The following NXT1 variants were observed in gnomAD, a reference collection of about 807,000 sequenced individuals.
NXT1 encodes NTF2-related export protein 1.
A neutral mutation model predicts 9.9 loss-of-function variants in NXT1; 3 were observed. The observed-to-expected ratio is 0.30, with a 90% confidence interval of 0.14 to 0.79. The LOEUF (loss-of-function observed/expected upper bound fraction) is 0.79. Ranked by LOEUF, NXT1 falls within the 30% of genes least tolerant of loss-of-function variation. NXT1 has a pLI of 0.63. For synonymous variants in NXT1, 53 were observed against 66.5 expected (o/e 0.80, Z 0.99); for missense variants, 91 against 178.2 (o/e 0.51, Z 2.79).
At position 23,350,791 on chromosome 20, in the gene NXT1, G is replaced by A. The variant is rs1316626758; in HGVS notation, c.-332G>A. 3 of 152,266 alleles carry A rather than the reference G, an allele frequency of 2.0e-5. No homozygotes were observed. Among genetic ancestry groups the A allele is most frequent in the African/African-American group, 7.2e-5 (3 of 41,468 alleles). The allele number at this position is 152,266 out of a possible 1,614,324, so 9.4% of individuals were successfully genotyped here. A position where few individuals can be genotyped will look rare whatever the true frequency, so the allele number is the denominator to read the frequency against. ...GGGAGAGGGCGGCGCCGGGGCGCTC[G>A]CGTCTGCGTGGAGACCGGCTGGCCG... On this transcript the variant is annotated 5_prime_UTR_variant, in exon 1 of 2. Transcript: ENST00000254998.
At chr20:23,352,147 C>T (rs1434758777) in intron 1 of NXT1, among the ~76,000 whole-genome samples, 2 of 152,106 alleles carry the variant, frequency 1.3e-5, no homozygotes, top group South Asian at 2.1e-4. Context: ...TTATAAGTTA[C>T]CTACAGATGA....
intron 1 of NXT1, among the ~76,000 whole-genome samples, chr20:23,351,704 A>T (rs1204847893): frequency 6.6e-6 from 1 of 152,032 alleles, no homozygotes; most frequent in Non-Finnish European, 1.5e-5. Flanking sequence ...GAAAATTCCC[A>T]CTCTAGCAGT....
chr20:23,353,234 A>G (rs1422652936), intron 1 of NXT1, among the ~76,000 whole-genome samples: 1 of 152,208 alleles, frequency 6.6e-6, no homozygotes, highest in Non-Finnish European at 1.5e-5. Flanking sequence ...TCGTGGTCCA[A>G]TCAGGCCTCC....
At chr20:23,352,515 A>AT (rs1491505167) in intron 1 of NXT1, among the ~76,000 whole-genome samples, 4 of 137,460 alleles carry the variant, frequency 2.9e-5, no homozygotes, top group African/African-American at 1.2e-4. Flanking sequence ...TAATCATTAT[A>AT]AAAAAAAAAG....
chr20:23,353,983 C>T lies in NXT1; in HGVS notation c.-59C>T. 1 of 1,541,940 alleles carries T rather than the reference C, an allele frequency of 6.5e-7. No individual in the cohort carries two copies. Among genetic ancestry groups the T allele is most frequent in the Non-Finnish European group, 8.8e-7 (1 of 1,133,308 alleles). ...TCTTCAACCTTACTTCCCTGCAGCC[C>T]CTGGTTCCCCAAGGCAGAGGAAATA... is the stretch of plus-strand genomic sequence containing the variant. On this transcript the variant is annotated splice_region_variant and 5_prime_UTR_variant, in exon 2 of 2. Transcript: ENST00000254998.
At position 23,354,357 on chromosome 20, in the gene NXT1, C is replaced by G. The variant is rs376594208; in HGVS notation, c.316C>G (p.Gln106Glu). ...ATCAGTGAAGTTTGAGGGGAACAAA[C>G]AACGGGACTTCAACCAGAACTTCAT... ...CGSVKFEGNK[Q>E]RDFNQNFILT... The change falls in exon 2 of 2, where the codon CAA (glutamine) becomes GAA (glutamate). Residue 106 changes from glutamine to glutamate, a missense_variant. Gln to Glu is a conservative substitution (Grantham distance 29, BLOSUM62 2). Coordinates refer to ENST00000254998, the MANE Select transcript of NXT1 (RefSeq NM_013248.3). 6.2e-7 allele frequency: 1 copy of G among 1,614,074 alleles called. No homozygotes were observed. The highest frequency in any genetic ancestry group is 1.3e-5 in the African/African-American group (1 of 74,922).
intron 1 of NXT1, among the ~76,000 whole-genome samples, chr20:23,353,306 T>TGC (rs1980322146): frequency 6.6e-6 from 1 of 152,346 alleles, no homozygotes; most frequent in South Asian, 2.1e-4. Context: ...AATCTGCTGA[T>TGC]GCTCCAAGTC....
rs1980355216 is a variant in NXT1 at position 23,354,529 on chromosome 20, C to T, written c.*65C>T. 5 of 1,511,704 alleles carry T rather than the reference C, an allele frequency of 3.3e-6. No individual in the cohort carries two copies. In the East Asian group the frequency reaches 9.1e-5, roughly 28 times the overall value. 93.6% of individuals were successfully genotyped at this position (1,511,704 alleles called of 1,614,324 possible). On this transcript the variant is annotated 3_prime_UTR_variant, in exon 2 of 2. Coordinates refer to ENST00000254998, the MANE Select transcript of NXT1 (RefSeq NM_013248.3). ...CTCTGTAGAGAAATGCAAACCTCGA[C>T]TCTCAAGGATGTGAGGAACACAAGT... is the stretch of plus-strand genomic sequence containing the variant.
rs539163765 is a variant in NXT1 at position 23,351,037 on chromosome 20, G to T, written c.-86G>T. The T allele has an allele frequency of 4.1e-4, 62 of 152,384 alleles. No homozygotes were observed. Among genetic ancestry groups the T allele is most frequent in the Non-Finnish European group, 7.3e-4 (50 of 68,110 alleles). 9.4% of individuals were successfully genotyped at this position (152,384 alleles called of 1,614,324 possible). A position where few individuals can be genotyped will look rare whatever the true frequency, so the allele number is the denominator to read the frequency against. The stretch of plus-strand genomic sequence containing the variant: ...CCCGACCGTGGGGGCCGCGGCCCGC[G>T]CTGACCCTGGACGTCGCCGCGCAGG... On this transcript the variant is annotated 5_prime_UTR_variant, in exon 1 of 2. Coordinates refer to ENST00000254998, the MANE Select transcript of NXT1 (RefSeq NM_013248.3).
At chr20:23,351,928 T>C (rs1980279034) in intron 1 of NXT1, among the ~76,000 whole-genome samples, 1 of 152,206 alleles carries the variant, frequency 6.6e-6, no homozygotes, top group Non-Finnish European at 1.5e-5. Flanking sequence ...TTAAATGAGG[T>C]AATTTGTGTG....
At position 23,354,366 on chromosome 20, in the gene NXT1, T is replaced by A; in HGVS notation, c.325T>A (p.Phe109Ile). The A allele has an allele frequency of 6.2e-7, 1 of 1,614,180 alleles. No individual in the cohort carries two copies. Among genetic ancestry groups the A allele is most frequent in the Non-Finnish European group, 8.5e-7 (1 of 1,180,028 alleles). ...GTTTGAGGGGAACAAACAACGGGAC[T>A]TCAACCAGAACTTCATCCTGACCGC... ...VKFEGNKQRD[F>I]NQNFILTAQA... Residue 109 changes from phenylalanine to isoleucine, a missense_variant, in exon 2 of 2, where the codon TTC becomes ATC. Phe to Ile is a conservative substitution (Grantham distance 21). Coordinates refer to ENST00000254998, the MANE Select transcript of NXT1 (RefSeq NM_013248.3).
chr20:23,354,428 A>G lies in NXT1; in HGVS notation c.387A>G (p.Ala129=), dbSNP rs1980352525. ...ASPSNTVWKI[A]SDCFRFQDWA... is the part of the protein sequence containing the mutation. ...CCAGCAACACAGTGTGGAAGATCGC[A>G]AGTGACTGCTTCCGCTTCCAGGACT... The change falls in exon 2 of 2, where the codon GCA becomes GCG. Residue 129 remains alanine, a synonymous_variant. Coordinates refer to ENST00000254998, the MANE Select transcript of NXT1 (RefSeq NM_013248.3). 12 of 1,613,942 alleles carry G rather than the reference A, an allele frequency of 7.4e-6. No individual in the cohort carries two copies. The highest frequency in any genetic ancestry group is 1.3e-5 in the African/African-American group (1 of 74,906).
At position 23,350,899 on chromosome 20, in the gene NXT1, G is replaced by A. The variant is rs1465508040; in HGVS notation, c.-224G>A. ...CCCAGAGTAAGCCTCCAAGAAGGAG[G>A]AGGAGGAGAGAAAGGCGGCTCTTCC... On this transcript the variant is annotated 5_prime_UTR_variant, in exon 1 of 2. Coordinates refer to ENST00000254998, the MANE Select transcript of NXT1 (RefSeq NM_013248.3). The A allele has an allele frequency of 1.3e-5, 2 of 152,288 alleles. No homozygotes were observed. Among genetic ancestry groups the A allele is most frequent in the East Asian group, 3.9e-4 (2 of 5,126 alleles). The allele number at this position is 152,288 out of a possible 1,614,324, so 9.4% of individuals were successfully genotyped here.
At chr20:23,352,564 T>C (rs1475715947) in intron 1 of NXT1, among the ~76,000 whole-genome samples, 1 of 152,208 alleles carries the variant, frequency 6.6e-6, no homozygotes, top group African/African-American at 2.4e-5. Flanking sequence ...TCACTAAGTT[T>C]GTAAGTATAA....
Position 23,354,585 on chromosome 20 carries a change from C to A in NXT1, c.*121C>A. ...TCTGTTGTTGCGGAGACACTGCAGACTCCACTGTGCCGAGGTTGAACTCTT... is the reference window on the plus strand; with the variant it reads ...TCTGTTGTTGCGGAGACACTGCAGAATCCACTGTGCCGAGGTTGAACTCTT... On this transcript the variant is annotated 3_prime_UTR_variant, in exon 2 of 2. Transcript: ENST00000254998. 1 of 1,132,490 alleles carries A rather than the reference C, an allele frequency of 8.8e-7. No individual in the cohort carries two copies. Among genetic ancestry groups the A allele is most frequent in the Non-Finnish European group, 1.2e-6 (1 of 807,716 alleles). 70.2% of individuals were successfully genotyped at this position (1,132,490 alleles called of 1,614,324 possible).
chr20:23,354,497 G>A lies in NXT1; in HGVS notation c.*33G>A. 9 of 1,586,374 alleles carry A rather than the reference G, an allele frequency of 5.7e-6. No homozygotes were observed. Among genetic ancestry groups the A allele is most frequent in the Non-Finnish European group, 7.7e-6 (9 of 1,166,308 alleles). ...GGCAGAGGTCTCTTTGCTTCATTCA[G>A]CCCTAGCTCTGTAGAGAAATGCAAA... On this transcript the variant is annotated 3_prime_UTR_variant, in exon 2 of 2. Transcript: ENST00000254998.
chr20:23,352,689 T>C (rs1980306376), intron 1 of NXT1, among the ~76,000 whole-genome samples: 1 of 152,160 alleles, frequency 6.6e-6, no homozygotes, highest in African/African-American at 2.4e-5. Context: ...AAAGTAAATG[T>C]CAATTTTTTA....
At position 23,354,663 on chromosome 20, in the gene NXT1, A is replaced by G. The variant is rs1218346581; in HGVS notation, c.*199A>G. On this transcript the variant is annotated 3_prime_UTR_variant, in exon 2 of 2. Transcript: ENST00000254998. ...TTTCCTGAATATATACTTGTTTGTC[A>G]TAGTTTCCTTTTCAAAGTAGTAAAC... 5 of 590,928 alleles carry G rather than the reference A, an allele frequency of 8.5e-6. 1 individual carries two copies. The highest frequency in any genetic ancestry group is 1.5e-5 in the Non-Finnish European group (5 of 339,442). 36.6% of individuals were successfully genotyped at this position (590,928 alleles called of 1,614,324 possible).
intron 1 of NXT1, chr20:23,351,375 C>G (rs1220528294): frequency 6.6e-6 from 1 of 152,280 alleles, no homozygotes; most frequent in Non-Finnish European, 1.5e-5. Flanking sequence ...CGTCCATCTC[C>G]GGACACTCGA....
Sources: gnomAD v4.1 joint callset for allele counts (sites outside exome capture counted in the v4.1 genomes callset) on GRCh38, gnomAD v4.1.1 for gene constraint, MANE v1.5 for transcripts, NCBI Gene and HGNC (gene_info 2026-07-23, HGNC 2026-07-21) for gene names.